ANK3: variants seen among roughly 807,000 people sequenced by gnomAD.
The protein encoded by ANK3 is ankyrin 3, also known as ankyrin-3.
In ANK3, 57 loss-of-function variants were observed where a neutral mutation model predicts 370.9. That is an observed-to-expected ratio of 0.15 (90% CI 0.12 to 0.19). The LOEUF is 0.19. Ranked by LOEUF, ANK3 falls within the 10% of genes least tolerant of loss-of-function variation. The pLI is 1.00. For synonymous variants in ANK3, 1,929 were observed against 1,946.3 expected (o/e 0.99, Z 0.23); for missense variants, 4,439 against 5,302.1 (o/e 0.84, Z 5.06).
At chr10:60,479,138 A>G (rs1290990987) in intron 2 of ANK3, among the ~76,000 whole-genome samples, 1 of 152,150 alleles carries the variant, frequency 6.6e-6, no homozygotes, top group Non-Finnish European at 1.5e-5. Flanking sequence ...AATTTAAGTA[A>G]TAAAAGCATC....
At chr10:60,060,043 A>C (rs760304404) in intron 40 of ANK3, 15 of 1,472,792 alleles carry the variant, frequency 1.0e-5, no homozygotes, top group Non-Finnish European at 1.4e-5. Flanking sequence ...ACTGGAATGA[A>C]TTAGAATACA....
intron 7 of ANK3, among the ~76,000 whole-genome samples, chr10:60,245,123 T>C (rs777371264): frequency 6.6e-6 from 1 of 151,964 alleles, no homozygotes; most frequent in Non-Finnish European, 1.5e-5. Flanking sequence ...GAGCCGAGAT[T>C]GCGCCACTGC....
At chr10:60,612,429 T>G (rs967371771) in intron 2 of ANK3, among the ~76,000 whole-genome samples, 14 of 152,170 alleles carry the variant, frequency 9.2e-5, no homozygotes, top group African/African-American at 2.9e-4. Context: ...GGATAAAAGG[T>G]ATCAACTCTC....
intron 1 of ANK3, among the ~76,000 whole-genome samples, chr10:60,648,932 C>A (rs1424167542): frequency 6.6e-6 from 1 of 151,978 alleles, no homozygotes; most frequent in Non-Finnish European, 1.5e-5. Context: ...ATATTGGCCA[C>A]AGCCCAAGGC....
At chr10:60,209,376 G>A (rs892380838) in intron 9 of ANK3, among the ~76,000 whole-genome samples, 1 of 152,158 alleles carries the variant, frequency 6.6e-6, no homozygotes, top group African/African-American at 2.4e-5. Context: ...ATGACACAAA[G>A]AAGGAGTTCA....
chr10:60,302,742 A>G (rs918504332), intron 1 of ANK3, among the ~76,000 whole-genome samples: 16 of 152,316 alleles, frequency 1.1e-4, no homozygotes, highest in Admixed American at 5.9e-4. Flanking sequence ...TTGAGCAAAA[A>G]CAACAAAGCT....
intron 4 of ANK3, among the ~76,000 whole-genome samples, chr10:60,273,306 ACTTC>A (rs1371256217): frequency 2.6e-5 from 4 of 152,130 alleles, no homozygotes; most frequent in Admixed American, 1.3e-4. Context: ...ACAGTTACAT[ACTTC>A]CTTGTTTTTT....
At chr10:60,712,883 T>C (rs1420435633) in intron 1 of ANK3, among the ~76,000 whole-genome samples, 1 of 152,128 alleles carries the variant, frequency 6.6e-6, no homozygotes, top group African/African-American at 2.4e-5. Context: ...TATATAATGA[T>C]AAAAAGATCA....
intron 1 of ANK3, among the ~76,000 whole-genome samples, chr10:60,292,673 C>CA (rs1294641423): frequency 5.5e-5 from 8 of 145,152 alleles, no homozygotes; most frequent in Non-Finnish European, 9.0e-5. Flanking sequence ...ATGTGCTGAA[C>CA]AAAAAAAACA....
chr10:60,255,944 T>C (rs1024886724), intron 7 of ANK3, among the ~76,000 whole-genome samples: 1 of 152,028 alleles, frequency 6.6e-6, no homozygotes, highest in Non-Finnish European at 1.5e-5. Flanking sequence ...AGAGATCTGG[T>C]AAAGGGGTTC....
chr10:60,062,907 T>TTGTATATAAATATATATATACGTCA, intron 40 of ANK3: 1 of 414,228 alleles, frequency 2.4e-6, no homozygotes, highest in Admixed American at 4.2e-5. Flanking sequence ...ATGATTTATA[T>TTGTATATAAATATATATATACGTCA]TGTATATTTA....
chr10:60,454,546 A>T (rs4948259), intron 2 of ANK3, among the ~76,000 whole-genome samples: 2 of 152,034 alleles, frequency 1.3e-5, no homozygotes, highest in Non-Finnish European at 2.9e-5. Context: ...AGGCCAGGAC[A>T]GTCAGTTTAC....
chr10:60,250,592 C>G (rs552205084), intron 7 of ANK3, among the ~76,000 whole-genome samples: 2 of 152,286 alleles, frequency 1.3e-5, no homozygotes, highest in South Asian at 2.1e-4. Flanking sequence ...GTCTCGATCT[C>G]CTGACCTTGT....
At chr10:60,077,816 C>A (rs2084179785) in intron 36 of ANK3, among the ~76,000 whole-genome samples, 1 of 152,142 alleles carries the variant, frequency 6.6e-6, no homozygotes, top group Admixed American at 6.5e-5. Flanking sequence ...CTGGTGCCTT[C>A]CCATAATATT....
intron 20 of ANK3, 49 bp from the exon 21 acceptor site, chr10:60,172,452 T>A: frequency 1.4e-6 from 2 of 1,398,942 alleles, no homozygotes; most frequent in East Asian, 2.4e-5. Context: ...TTATTCCACA[T>A]TTTTTTTGCT....
At chr10:60,196,868 A>C (rs1186420326) in intron 14 of ANK3, among the ~76,000 whole-genome samples, 1 of 152,134 alleles carries the variant, frequency 6.6e-6, no homozygotes, top group African/African-American at 2.4e-5. Context: ...CAGGATACCT[A>C]ATCTTTCTCC....
At chr10:60,264,063 T>C in intron 5 of ANK3, 43 bp from the exon 6 acceptor site, 1 of 1,518,914 alleles carries the variant, frequency 6.6e-7, no homozygotes, top group Non-Finnish European at 8.9e-7. Flanking sequence ...CAATGAATAT[T>C]TTCTTTTTTA....
chr10:60,396,087 T>A (rs1594947942), intron 2 of ANK3, among the ~76,000 whole-genome samples: 1 of 152,130 alleles, frequency 6.6e-6, no homozygotes, highest in African/African-American at 2.4e-5. Flanking sequence ...GGTGATACAA[T>A]GGGGAATGAA....
chr10:60,027,145 T>C lies in ANK3; in HGVS notation c.*2701A>G, dbSNP rs1477192102. 1 of 152,128 alleles carries C rather than the reference T, an allele frequency of 6.6e-6. No individual in the cohort carries two copies. Among genetic ancestry groups the C allele is most frequent in the Admixed American group, 6.5e-5 (1 of 15,272 alleles). 9.4% of individuals were successfully genotyped at this position (152,128 alleles called of 1,614,324 possible). ...CATATAAACACAACTATTTAATACC[T>C]AAACAGGTATACATCATTGAGTTTC... On this transcript the variant is annotated 3_prime_UTR_variant, in exon 44 of 44. Coordinates refer to ENST00000280772, the MANE Select transcript of ANK3 (RefSeq NM_020987.5).
Sources: allele counts gnomAD v4.1 joint callset (sites outside exome capture counted in the v4.1 genomes callset), GRCh38; gene constraint gnomAD v4.1.1; transcripts MANE v1.5; gene names NCBI Gene and HGNC (gene_info 2026-07-23, HGNC 2026-07-21).